The following CELSR1 variants were observed in gnomAD, a reference collection of about 807,000 sequenced individuals.
CELSR1 encodes adhesion G protein-coupled receptor C1.
Under a neutral mutation model 249.1 loss-of-function variants are expected in CELSR1, and 110 were observed. The ratio of observed to expected loss-of-function variants is 0.44; its 90% CI spans 0.38 to 0.52. The LOEUF (loss-of-function observed/expected upper bound fraction) is 0.52, where lower values mean the gene tolerates loss of function less well. Among genes scored for constraint, CELSR1 ranks in the 20% least tolerant of loss-of-function variants. The pLI, the probability that CELSR1 is intolerant of heterozygous loss-of-function variation, is 0.00. For missense variants in CELSR1, 4,109 were observed against 4,296.4 expected (o/e 0.96, Z 1.22); for synonymous variants, 2,113 against 1,900.0 (o/e 1.11, Z -2.92).
At chr22:46,367,234 CG>C in intron 28 of CELSR1, 116 bp from the exon 29 acceptor site, 2 of 1,353,026 alleles carry the variant, frequency 1.5e-6, no homozygotes, top group Non-Finnish European at 2.0e-6. Context: ...TCCGGCCACA[CG>C]GCCCAGGACA....
intron 5 of CELSR1, among the ~76,000 whole-genome samples, chr22:46,418,156 T>C (rs966670060): frequency 3.9e-5 from 6 of 152,260 alleles, no homozygotes; most frequent in African/African-American, 7.2e-5. Context: ...TCTCAAGTTT[T>C]GCTGTTTTAA....
chr22:46,477,932 G>A lies in CELSR1; in HGVS notation c.3545-13587C>T, dbSNP rs897737534. On this transcript the variant is annotated intron_variant, in intron 1 of 34. Coordinates refer to ENST00000674500, the MANE Select transcript of CELSR1 (RefSeq NM_001378328.1). Reference sequence around the variant, plus strand: ...AACTCTCTGTGGGGTGCCAGCCCCCGGGAGGATGCTGGGCAGCACCCCTGG... The same window carrying A: ...AACTCTCTGTGGGGTGCCAGCCCCCAGGAGGATGCTGGGCAGCACCCCTGG... 3.2e-4 allele frequency among the ~76,000 whole-genome samples: 48 copies of A among 152,154 alleles called. 1 individual carries two copies. Among genetic ancestry groups the A allele is most frequent in the East Asian group, 7.7e-4 (4 of 5,188 alleles).
intron 1 of CELSR1, among the ~76,000 whole-genome samples, chr22:46,478,997 G>A (rs980149154): frequency 6.6e-6 from 1 of 151,760 alleles, no homozygotes; most frequent in Non-Finnish European, 1.5e-5. Context: ...AACATTCCAG[G>A]CTCCAGGTCT....
rs757541666 is a variant in CELSR1, at chr22:46,533,993, C to T, written c.3178G>A (p.Val1060Met). The T allele has an allele frequency of 6.8e-6, 11 of 1,613,526 alleles. No homozygotes were observed. The Admixed American group carries it at 1.7e-4, about 24-fold the overall frequency. ...CGCCGGACCTCAAAGTCCAGCTCCA[C>T]CATGGCACGCAGGTCCCCGTTGAGC... Reference protein sequence around the residue: ...DLLNGDLRAMVELDFEVRREY... With the variant: ...DLLNGDLRAMMELDFEVRREY... The change falls in exon 1 of 35, where the codon GTG becomes ATG. Residue 1060 changes from valine to methionine, a missense_variant. Transcript: ENST00000674500.
Position 46,408,347 on chromosome 22 carries a change from T to C in CELSR1, c.5226+649A>G, listed in dbSNP as rs1234740381. On this transcript the variant is annotated intron_variant, in intron 9 of 34. Transcript: ENST00000674500. This position sits in a 1 kb window ranked among gnomAD's most constrained non-coding sequence, Gnocchi z 4.6. ...CCAACCACCACCTGGCTGTGGCTTT[T>C]TGAGATGGAGTCTCTGTCTTGTCGT... 6.6e-6 allele frequency among the ~76,000 whole-genome samples: 1 copy of C among 152,162 alleles called. No homozygotes were observed. Among genetic ancestry groups the C allele is most frequent in the Non-Finnish European group, 1.5e-5 (1 of 68,010 alleles).
At chr22:46,457,349 C>T (rs140710357) in intron 2 of CELSR1, among the ~76,000 whole-genome samples, 3 of 149,428 alleles carry the variant, frequency 2.0e-5, no homozygotes, top group East Asian at 1.9e-4. Flanking sequence ...ATCTCGGGGG[C>T]GGGGAAAAAG....
rs370340220 is a variant in CELSR1, at chr22:46,490,838, C to T, written c.3545-26493G>A. Among the ~76,000 whole-genome samples the T allele has an allele frequency of 1.1e-4, 16 of 152,184 alleles. No individual in the cohort carries two copies. The East Asian group carries it at 2.9e-3, about 28-fold the overall frequency. On this transcript the variant is annotated intron_variant, in intron 1 of 34. Coordinates refer to ENST00000674500, the MANE Select transcript of CELSR1 (RefSeq NM_001378328.1). This position sits in a 1 kb window ranked among gnomAD's most constrained non-coding sequence, Gnocchi z 5.2. Reference sequence around the variant, plus strand: ...TGGCCTGGGGCTGCTGCACGTGCCGCACCCTGATCCTCCAGGCAGTCCAAA... The same window carrying T: ...TGGCCTGGGGCTGCTGCACGTGCCGTACCCTGATCCTCCAGGCAGTCCAAA...
Position 46,369,682 on chromosome 22 carries a change from C to G in CELSR1, c.7872+10G>C. The G allele has an allele frequency of 1.2e-6, 2 of 1,610,924 alleles. No individual in the cohort carries two copies. Among genetic ancestry groups the G allele is most frequent in the Non-Finnish European group, 8.5e-7 (1 of 1,177,730 alleles). On this transcript the variant is annotated intron_variant, in intron 26 of 34. Coordinates refer to ENST00000674500, the MANE Select transcript of CELSR1 (RefSeq NM_001378328.1). ...GGGCACCCGGACTCCCGTGAAGGCC[C>G]CACACTCACGATTATAACAGCTCCG...
Position 46,484,400 on chromosome 22 carries a change from T to TG in CELSR1, c.3545-20056dup, listed in dbSNP as rs777275610. ...CAGGCTGCAGCATCTGCCAGGAACT[T>TG]GGAGGAGCCACCCCTCCTAGGCCTG... On this transcript the variant is annotated intron_variant, in intron 1 of 34. Transcript: ENST00000674500. The surrounding 1 kb of genome is among the most constrained non-coding windows in gnomAD (Gnocchi z 4.5). Among the ~76,000 whole-genome samples the TG allele has an allele frequency of 3.9e-5, 6 of 152,030 alleles. No individual in the cohort carries two copies. The highest frequency in any genetic ancestry group is 7.4e-5 in the Non-Finnish European group (5 of 68,006).
chr22:46,449,338 T>C (rs1331519419), intron 2 of CELSR1, among the ~76,000 whole-genome samples: 3 of 138,244 alleles, frequency 2.2e-5, no homozygotes, highest in East Asian at 4.2e-4. Context: ...TCCAACCACA[T>C]CACACATCCA....
chr22:46,394,017 A>G (rs1602071220), intron 14 of CELSR1, 125 bp downstream of exon 14: 2 of 1,267,370 alleles, frequency 1.6e-6, no homozygotes, highest in East Asian at 2.3e-5. Flanking sequence ...GAGTGGGCAC[A>G]GGTGTGTGTG....
At chr22:46,372,283 A>C in intron 25 of CELSR1, among the ~76,000 whole-genome samples, 4 of 76,984 alleles carry the variant, frequency 5.2e-5, no homozygotes, top group African/African-American at 2.1e-4. Flanking sequence ...CTCAACCCCC[A>C]TCCATCCATC....
chr22:46,532,098 G>A (rs929283645), intron 1 of CELSR1, among the ~76,000 whole-genome samples: 1 of 152,140 alleles, frequency 6.6e-6, no homozygotes, highest in Admixed American at 6.5e-5. Context: ...CAGCGGGGGG[G>A]CCCACATTAC....
Position 46,396,982 on chromosome 22 carries a change from G to A in CELSR1, c.5702-236C>T, listed in dbSNP as rs2079154887. On this transcript the variant is annotated intron_variant, in intron 12 of 34. Transcript: ENST00000674500. This position sits in a 1 kb window ranked among gnomAD's most constrained non-coding sequence, Gnocchi z 6.4. ...AAGGAGGGTGAGAGCCTTGGAACAC[G>A]GGGCCCAGGCTGCCCCAGGACACAT... Among the ~76,000 whole-genome samples, 1 of 151,900 alleles carries A rather than the reference G, an allele frequency of 6.6e-6. No individual in the cohort carries two copies. The highest frequency in any genetic ancestry group is 1.5e-5 in the Non-Finnish European group (1 of 68,034).
Position 46,363,477 on chromosome 22 carries a change from C to T in CELSR1, c.9036-230G>A, listed in dbSNP as rs1021467094. 6.1e-6 allele frequency: 3 copies of T among 493,490 alleles called. No individual in the cohort carries two copies. Among genetic ancestry groups the T allele is most frequent in the East Asian group, 7.0e-5 (2 of 28,612 alleles). The allele number at this position is 493,490 out of a possible 1,614,324, so 30.6% of individuals were successfully genotyped here. A position where few individuals can be genotyped will look rare whatever the true frequency, so the allele number is the denominator to read the frequency against. On this transcript the variant is annotated intron_variant, in intron 34 of 34. Coordinates refer to ENST00000674500, the MANE Select transcript of CELSR1 (RefSeq NM_001378328.1). This position sits in a 1 kb window ranked among gnomAD's most constrained non-coding sequence, Gnocchi z 4.3. ...GTGTTGCTGGTCTTTCAGAAGAGCG[C>T]AAGGAATCCACGTTAGAAACCGGCC...
intron 1 of CELSR1, among the ~76,000 whole-genome samples, chr22:46,528,263 A>G (rs2147808914): frequency 6.6e-6 from 1 of 152,272 alleles, no homozygotes; most frequent in East Asian, 1.9e-4. Flanking sequence ...AACTAGGCAA[A>G]CACTTAGGGA....
In CELSR1 at chr22:46,410,012, C is replaced by A. The variant is rs1004705438; in HGVS notation, c.4934-132G>T. ...CAGAAGTCAGACCAGGTCTGAACGC[C>A]CCTGGCAACGGCAGGAACATGGGAA... is the stretch of plus-strand genomic sequence containing the variant. On this transcript the variant is annotated intron_variant, in intron 7 of 34. Transcript: ENST00000674500. This position sits in a 1 kb window ranked among gnomAD's most constrained non-coding sequence, Gnocchi z 6.8. 2.6e-6 allele frequency: 3 copies of A among 1,158,888 alleles called. No individual in the cohort carries two copies. The highest frequency in any genetic ancestry group is 1.5e-5 in the African/African-American group (1 of 65,066). The allele number at this position is 1,158,888 out of a possible 1,614,324, so 71.8% of individuals were successfully genotyped here.
rs1021787662 is a variant in CELSR1, at chr22:46,434,007, A to G, written c.4523-526T>C. 1.3e-5 allele frequency among the ~76,000 whole-genome samples: 2 copies of G among 152,190 alleles called. No homozygotes were observed. The highest frequency in any genetic ancestry group is 2.9e-5 in the Non-Finnish European group (2 of 68,028). ...CTTGTTCCTTTTCTAAATATGAAAA[A>G]ATATAAACACGGAAAACCCATCTGT... On this transcript the variant is annotated intron_variant, in intron 4 of 34. Transcript: ENST00000674500. The surrounding 1 kb of genome is among the most constrained non-coding windows in gnomAD (Gnocchi z 4.9).
intron 25 of CELSR1, chr22:46,370,157 G>A (rs1449485115): frequency 2.1e-6 from 1 of 467,982 alleles, no homozygotes; most frequent in Admixed American, 2.3e-5. Context: ...CCTGCCAGCT[G>A]GGCCATGTAG....
Sources: gnomAD v4.1 joint callset for allele counts (sites outside exome capture counted in the v4.1 genomes callset) on GRCh38, gnomAD v4.1.1 for gene constraint, Gnocchi (gnomAD v3.1) non-coding constraint, MANE v1.5 for transcripts, NCBI Gene and HGNC (gene_info 2026-07-23, HGNC 2026-07-21) for gene names.